Variants in RBPJ observed in about 807,000 individuals in gnomAD.
RBPJ encodes recombining binding protein suppressor of hairless.
RBPJ carries 9 observed loss-of-function variants against 67.8 expected under a neutral mutation model. The observed-to-expected ratio is 0.13, with a 90% CI of 0.08 to 0.23. RBPJ has a LOEUF of 0.23. Among genes scored for constraint, RBPJ ranks in the 10% least tolerant of loss-of-function variants. The probability of loss-of-function intolerance (pLI) is 1.00; values close to 1 mark genes in which losing one functional copy is unlikely to be tolerated. For missense variants in RBPJ, 305 were observed against 595.6 expected, an observed-to-expected ratio of 0.51 and a Z score of 5.08; for synonymous variants, 198 against 203.3, an observed-to-expected ratio of 0.97 and a Z score of 0.22.
At chr4:26,119,428 G>C in the RBPJ span, among the ~76,000 whole-genome samples, 1 of 152,054 alleles carries the variant, frequency 6.6e-6, no homozygotes, top group East Asian at 1.9e-4. Context: ...GGACCCTTTA[G>C]CTTGGCATTT....
chr4:26,407,352 T>C (rs937480188), intron 3 of RBPJ, among the ~76,000 whole-genome samples: 6 of 152,202 alleles, frequency 3.9e-5, no homozygotes, highest in African/African-American at 1.4e-4. Context: ...ACAGCAAAAC[T>C]GGGTTCATAC....
intron 1 of RBPJ, among the ~76,000 whole-genome samples, chr4:26,189,957 C>CACTTG (rs1560203452): frequency 1.3e-5 from 2 of 152,340 alleles, no homozygotes; most frequent in East Asian, 3.8e-4. Context: ...AACACACACA[C>CACTTG]ACAGATACAC....
chr4:26,394,026 ATTTT>A (rs5856942), intron 2 of RBPJ, among the ~76,000 whole-genome samples: 1 of 131,836 alleles, frequency 7.6e-6, no homozygotes, highest in Admixed American at 7.8e-5. Flanking sequence ...CTATGGATTC[ATTTT>A]TTTTTTTTTT....
the RBPJ span, among the ~76,000 whole-genome samples, chr4:26,144,769 G>A: frequency 6.6e-6 from 1 of 152,202 alleles, no homozygotes; most frequent in African/African-American, 2.4e-5. Context: ...AGTCCCACAT[G>A]CAATGCAGTT....
chr4:26,127,043 A>T, the RBPJ span, among the ~76,000 whole-genome samples: 3 of 152,200 alleles, frequency 2.0e-5, no homozygotes, highest in Non-Finnish European at 4.4e-5. Context: ...CTGAGATAGC[A>T]CTGAGAATTT....
chr4:26,116,987 G>A, the RBPJ span, among the ~76,000 whole-genome samples: 3 of 152,148 alleles, frequency 2.0e-5, no homozygotes, highest in Non-Finnish European at 4.4e-5. Flanking sequence ...AAATGGCTTC[G>A]ACTCTAACTG....
intron 1 of RBPJ, among the ~76,000 whole-genome samples, chr4:26,166,031 T>C (rs2109111524): frequency 6.6e-6 from 1 of 151,420 alleles, no homozygotes; most frequent in Non-Finnish European, 1.5e-5. Context: ...TCCATGTCCC[T>C]ACAAAGGACA....
intron 1 of RBPJ, among the ~76,000 whole-genome samples, chr4:26,237,042 A>G (rs1410224193): frequency 6.6e-6 from 1 of 152,208 alleles, no homozygotes; most frequent in African/African-American, 2.4e-5. Flanking sequence ...AGCAGCAACA[A>G]CAAACACCAG....
chr4:26,129,423 G>A, the RBPJ span, among the ~76,000 whole-genome samples: 1 of 152,162 alleles, frequency 6.6e-6, no homozygotes, highest in African/African-American at 2.4e-5. Context: ...TCTAAAGCAT[G>A]AACATTAAGT....
chr4:26,376,363 A>G (rs1226081296), intron 1 of RBPJ, among the ~76,000 whole-genome samples: 1 of 152,176 alleles, frequency 6.6e-6, no homozygotes, highest in Non-Finnish European at 1.5e-5. Context: ...ACCTCATATA[A>G]GTGGAATCAT....
At chr4:26,127,750 A>G in the RBPJ span, among the ~76,000 whole-genome samples, 1 of 152,216 alleles carries the variant, frequency 6.6e-6, no homozygotes, top group South Asian at 2.1e-4. Context: ...GCAGGTAAGT[A>G]GAGTAAGACA....
intron 1 of RBPJ, among the ~76,000 whole-genome samples, chr4:26,236,607 C>A (rs1298455521): frequency 6.6e-6 from 1 of 152,138 alleles, no homozygotes; most frequent in African/African-American, 2.4e-5. Context: ...CTGGCTTCAT[C>A]CAGAGCAAGC....
intron 7 of RBPJ, among the ~76,000 whole-genome samples, chr4:26,427,543 T>C (rs1735800111): frequency 6.6e-6 from 1 of 152,154 alleles, no homozygotes; most frequent in South Asian, 2.1e-4. Context: ...TAAAGGTCAG[T>C]TGGAGCAGTT....
At chr4:26,137,698 T>G in the RBPJ span, among the ~76,000 whole-genome samples, 1 of 152,250 alleles carries the variant, frequency 6.6e-6, no homozygotes. Context: ...TTGGAAAACA[T>G]GTACCTCATT....
the RBPJ span, among the ~76,000 whole-genome samples, chr4:26,123,849 A>T: frequency 6.6e-6 from 1 of 152,188 alleles, no homozygotes; most frequent in Non-Finnish European, 1.5e-5. Context: ...CTTCAGGGGC[A>T]TGGAGCTGTC....
the RBPJ span, among the ~76,000 whole-genome samples, chr4:26,111,340 A>G: frequency 6.6e-6 from 1 of 152,154 alleles, no homozygotes; most frequent in Non-Finnish European, 1.5e-5. Flanking sequence ...TGAAGGGAAC[A>G]TGCTCCCTTC....
chr4:26,154,525 G>A, the RBPJ span, among the ~76,000 whole-genome samples: 1 of 152,190 alleles, frequency 6.6e-6, no homozygotes, highest in Non-Finnish European at 1.5e-5. Flanking sequence ...GTCCCAGATG[G>A]AAGTGCTATC....
At chr4:26,376,158 A>G (rs186984433) in intron 1 of RBPJ, among the ~76,000 whole-genome samples, 150 of 152,324 alleles carry the variant, frequency 9.8e-4, no homozygotes, top group Admixed American at 2.2e-3. Flanking sequence ...ACCAATTTTA[A>G]GTTTGCAGTC....
chr4:26,370,975 G>C (rs1365340981), intron 1 of RBPJ, among the ~76,000 whole-genome samples: 1 of 151,880 alleles, frequency 6.6e-6, no homozygotes, highest in Non-Finnish European at 1.5e-5. Flanking sequence ...AGCTACTCTG[G>C]AGGCTGAGAC....
Sources: gnomAD v4.1 joint callset for allele counts (sites outside exome capture counted in the v4.1 genomes callset) on GRCh38, gnomAD v4.1.1 for gene constraint, MANE v1.5 for transcripts, NCBI Gene and HGNC (gene_info 2026-07-23, HGNC 2026-07-21) for gene names.